ME3: variants seen among roughly 807,000 people sequenced by gnomAD.
ME3 encodes the protein malic enzyme 3.
ME3 carries 48 observed loss-of-function variants against 68.9 expected under a neutral mutation model. That is an observed-to-expected ratio of 0.70 (90% confidence interval 0.55 to 0.89). The LOEUF is 0.89. Among genes scored for constraint, ME3 ranks in the 40% least tolerant of loss-of-function variants. The pLI, the probability that ME3 is intolerant of heterozygous loss-of-function variation, is 0.00. For synonymous variants in ME3, 320 were observed against 318.8 expected (o/e 1.00, Z -0.04); for missense variants, 675 against 797.4 (o/e 0.85, Z 1.85).
intron 4 of ME3, among the ~76,000 whole-genome samples, chr11:86,526,834 A>T (rs1012768053): frequency 6.6e-6 from 1 of 152,242 alleles, no homozygotes; most frequent in Non-Finnish European, 1.5e-5. Context: ...ACTAACAAAC[A>T]GAAAGGACAT....
intron 4 of ME3, among the ~76,000 whole-genome samples, chr11:86,532,020 G>T (rs1955284134): frequency 6.6e-6 from 1 of 151,478 alleles, no homozygotes; most frequent in Non-Finnish European, 1.5e-5. Context: ...TGAAAGTGGA[G>T]GGATGGAAAA....
At position 86,487,336 on chromosome 11, in the gene ME3, C is replaced by T. The variant is rs1951753387; in HGVS notation, c.809+1G>A. The T allele has an allele frequency of 6.2e-7, 1 of 1,613,474 alleles. No individual in the cohort carries two copies. The highest frequency in any genetic ancestry group is 1.7e-5 in the Admixed American group (1 of 60,010). On this transcript the variant is annotated splice_donor_variant, in intron 7 of 14. Transcript: ENST00000543262. LOFTEE classifies it high-confidence loss of function. Reference sequence around the variant, plus strand: ...CAAAAGGGACAGACTGGTCCACTTACTTGTCTGTCACAGCCTGCATGAACT... The same window carrying T: ...CAAAAGGGACAGACTGGTCCACTTATTTGTCTGTCACAGCCTGCATGAACT...
At chr11:86,651,366 C>G (rs1320772803) in intron 2 of ME3, among the ~76,000 whole-genome samples, 1 of 152,220 alleles carries the variant, frequency 6.6e-6, no homozygotes, top group Non-Finnish European at 1.5e-5. Flanking sequence ...ACTGACACCT[C>G]ACATGGCCGG....
chr11:86,574,351 C>T (rs1276428127), intron 2 of ME3, among the ~76,000 whole-genome samples: 1 of 137,706 alleles, frequency 7.3e-6, no homozygotes, highest in Non-Finnish European at 1.5e-5. Context: ...GATTTATCTA[C>T]CTTTGATCTT....
At chr11:86,595,207 TAA>T (rs1273920201) in intron 2 of ME3, among the ~76,000 whole-genome samples, 4 of 144,150 alleles carry the variant, frequency 2.8e-5, no homozygotes, top group Non-Finnish European at 6.0e-5. Context: ...ATAAAATAGG[TAA>T]AAATATGTGT....
Position 86,571,641 on chromosome 11 carries a change from C to T in ME3, c.184-11818G>A, listed in dbSNP as rs530409612. Among the ~76,000 whole-genome samples the T allele has an allele frequency of 3.9e-5, 6 of 152,294 alleles. No homozygotes were observed. In the South Asian group the frequency reaches 8.3e-4, roughly 21 times the overall value. On this transcript the variant is annotated intron_variant, in intron 2 of 14. Transcript: ENST00000543262. ...GACAGTGCAGATCTTTCCCACATGG[C>T]GGATCACTCCCAGCCTGGCCTAATG... is the stretch of plus-strand genomic sequence containing the variant.
At chr11:86,603,015 A>G (rs1003341395) in intron 2 of ME3, among the ~76,000 whole-genome samples, 1 of 152,132 alleles carries the variant, frequency 6.6e-6, no homozygotes, top group African/African-American at 2.4e-5. Context: ...AAACCTAGGC[A>G]TTACTTCAGG....
chr11:86,450,545 G>A, intron 8 of ME3, 147 bp from the exon 9 acceptor site: 2 of 606,170 alleles, frequency 3.3e-6, no homozygotes, highest in Admixed American at 5.9e-5. Flanking sequence ...GCAAGTTTTG[G>A]TGCAAATCCA....
Position 86,487,995 on chromosome 11 carries a change from C to T in ME3, c.706-555G>A, listed in dbSNP as rs183251125. Among the ~76,000 whole-genome samples the T allele has an allele frequency of 1.5e-4, 23 of 152,228 alleles. No individual in the cohort carries two copies. In the East Asian group the frequency reaches 3.7e-3, roughly 24 times the overall value. On this transcript the variant is annotated intron_variant, in intron 6 of 14. Transcript: ENST00000543262. ...GAGTCTGAGGCTGTCCTAGCCAACC[C>T]AGTGAGACCCCATCTCTACAAAAAA...
chr11:86,481,340 A>G (rs560964684), intron 7 of ME3, among the ~76,000 whole-genome samples: 1 of 151,312 alleles, frequency 6.6e-6, no homozygotes, highest in Non-Finnish European at 1.5e-5. Context: ...GGTGTGAGCC[A>G]CTGTGCTCAG....
At chr11:86,497,618 AG>A (rs1176980774) in intron 6 of ME3, among the ~76,000 whole-genome samples, 1 of 152,170 alleles carries the variant, frequency 6.6e-6, no homozygotes, top group African/African-American at 2.4e-5. Flanking sequence ...AACACAGCCC[AG>A]TGGTCACACC....
At chr11:86,523,304 C>A (rs1479920473) in intron 4 of ME3, among the ~76,000 whole-genome samples, 2 of 152,178 alleles carry the variant, frequency 1.3e-5, no homozygotes, top group Non-Finnish European at 2.9e-5. Context: ...TCATTTACAC[C>A]TGAGATTAAC....
chr11:86,445,973 C>T (rs1202407728), intron 13 of ME3, among the ~76,000 whole-genome samples: 1 of 152,038 alleles, frequency 6.6e-6, no homozygotes, highest in Non-Finnish European at 1.5e-5. Context: ...GGTCCACAAG[C>T]CCTCAGTTTC....
intron 4 of ME3, among the ~76,000 whole-genome samples, chr11:86,529,592 G>A (rs1406143539): frequency 2.0e-5 from 3 of 152,070 alleles, no homozygotes; most frequent in Non-Finnish European, 4.4e-5. Flanking sequence ...GATGAACATC[G>A]ATGCAAAATT....
chr11:86,658,225 G>T (rs764972390), intron 2 of ME3, among the ~76,000 whole-genome samples: 1 of 151,786 alleles, frequency 6.6e-6, no homozygotes, highest in Non-Finnish European at 1.5e-5. Context: ...CCGAGTTCAA[G>T]CATTTGTCCT....
intron 2 of ME3, among the ~76,000 whole-genome samples, chr11:86,565,740 A>C (rs1032737017): frequency 6.6e-6 from 1 of 152,212 alleles, no homozygotes; most frequent in African/African-American, 2.4e-5. Flanking sequence ...TGTATTATGT[A>C]AATATTTTTC....
At chr11:86,671,713 G>C (rs772067459) in intron 2 of ME3, 49 bp downstream of exon 2, 10 of 1,586,434 alleles carry the variant, frequency 6.3e-6, no homozygotes, top group Non-Finnish European at 7.7e-6. Context: ...GCAATTTTCC[G>C]GCAGCCACGG....
chr11:86,668,120 C>A (rs1297678941), intron 2 of ME3: 1 of 152,066 alleles, frequency 6.6e-6, no homozygotes, highest in Non-Finnish European at 1.5e-5. Context: ...TCAGTCTATG[C>A]AGTTGTGAAT....
intron 7 of ME3, 101 bp from the exon 8 acceptor site, chr11:86,465,301 G>T (rs1950420589): frequency 8.3e-6 from 7 of 843,628 alleles, no homozygotes; most frequent in East Asian, 7.7e-5. Flanking sequence ...AGGCCTGGGG[G>T]TGGGAGGTGG....
Sources: allele counts gnomAD v4.1 joint callset (sites outside exome capture counted in the v4.1 genomes callset), GRCh38; gene constraint gnomAD v4.1.1; transcripts MANE v1.5; gene names NCBI Gene and HGNC (gene_info 2026-07-23, HGNC 2026-07-21).